DTNBP1: variants seen among roughly 807,000 people sequenced by gnomAD.
The protein encoded by DTNBP1 is dysbindin.
A neutral mutation model predicts 42.8 loss-of-function variants in DTNBP1; 35 were observed. The ratio of observed to expected loss-of-function variants is 0.82; its 90% confidence interval spans 0.63 to 1.09. DTNBP1 has a LOEUF of 1.09. Ranked by LOEUF, DTNBP1 falls within the 50% of genes least tolerant of loss-of-function variation. The pLI, the probability that DTNBP1 is intolerant of heterozygous loss-of-function variation, is 0.00. For synonymous variants in DTNBP1, 171 were observed against 162.2 expected, an observed-to-expected ratio of 1.05 and a Z score of -0.41; for missense variants, 457 against 424.2, an observed-to-expected ratio of 1.08 and a Z score of -0.68.
Position 15,553,594 on chromosome 6 carries a change from C to CTTTTT in DTNBP1, c.512-20204_512-20200dup, listed in dbSNP as rs56173414. ...CAGTTCAATGCTCTTGACAAGTGAGCTTTTTTTTTTTTGGCCTCAGACAGC... is the reference window on the plus strand; with the variant it reads ...CAGTTCAATGCTCTTGACAAGTGAGCTTTTTTTTTTTTTTTTTGGCCTCAGACAGC... On this transcript the variant is annotated intron_variant, in intron 7 of 9. Coordinates refer to ENST00000344537, the MANE Select transcript of DTNBP1 (RefSeq NM_032122.5). Among the ~76,000 whole-genome samples, 11 of 72,952 alleles carry CTTTTT rather than the reference C, an allele frequency of 1.5e-4. 1 individual carries two copies. Among genetic ancestry groups the CTTTTT allele is most frequent in the East Asian group, 1.3e-3 (2 of 1,514 alleles). The allele number at this position is 72,952 out of a possible 152,430, so 47.9% of individuals were successfully genotyped here. A position where few individuals can be genotyped will look rare whatever the true frequency, so the allele number is the denominator to read the frequency against.
chr6:15,572,283 G>A (rs1775372091), intron 7 of DTNBP1, among the ~76,000 whole-genome samples: 1 of 152,190 alleles, frequency 6.6e-6, no homozygotes, highest in Admixed American at 6.5e-5. Context: ...ATAAAGGTGA[G>A]TCAAACCCAC....
intron 3 of DTNBP1, among the ~76,000 whole-genome samples, chr6:15,640,620 C>T (rs1207594808): frequency 6.6e-6 from 1 of 152,158 alleles, no homozygotes; most frequent in African/African-American, 2.4e-5. Flanking sequence ...AGGAAAGTAA[C>T]TGTAGACTGT....
At chr6:15,625,113 C>T (rs1293571699) in intron 5 of DTNBP1, among the ~76,000 whole-genome samples, 1 of 152,118 alleles carries the variant, frequency 6.6e-6, no homozygotes, top group Non-Finnish European at 1.5e-5. Flanking sequence ...TCTAAAATTC[C>T]AAGTTTTGAT....
chr6:15,592,137 AT>A (rs1176836865), intron 7 of DTNBP1, among the ~76,000 whole-genome samples: 3 of 152,188 alleles, frequency 2.0e-5, no homozygotes, highest in Non-Finnish European at 2.9e-5. Flanking sequence ...AGAATTTGTC[AT>A]TTTTTCTAAA....
At chr6:15,603,866 C>CTTGGATATTT (rs1776826010) in intron 6 of DTNBP1, among the ~76,000 whole-genome samples, 1 of 152,166 alleles carries the variant, frequency 6.6e-6, no homozygotes, top group African/African-American at 2.4e-5. Flanking sequence ...AGCTCACCCT[C>CTTGGATATTT]TTGGATATTT....
chr6:15,660,665 T>A, intron 1 of DTNBP1: 1 of 709,072 alleles, frequency 1.4e-6, no homozygotes, highest in Non-Finnish European at 2.1e-6. Flanking sequence ...TGTCTCTCCT[T>A]AACTAACTCT....
At chr6:15,607,704 A>G (rs1758157489) in intron 6 of DTNBP1, among the ~76,000 whole-genome samples, 1 of 152,230 alleles carries the variant, frequency 6.6e-6, no homozygotes. Context: ...TTATCTGATC[A>G]CATACTGTTT....
At chr6:15,633,203 C>T in intron 4 of DTNBP1, among the ~76,000 whole-genome samples, 1 of 152,176 alleles carries the variant, frequency 6.6e-6, no homozygotes, top group East Asian at 1.9e-4. Flanking sequence ...CCCACTAATG[C>T]AACATCCATT....
intron 8 of DTNBP1, among the ~76,000 whole-genome samples, chr6:15,532,379 C>G (rs1772905370): frequency 1.3e-5 from 2 of 152,184 alleles, no homozygotes; most frequent in Admixed American, 1.3e-4. Context: ...TTTAAATGTT[C>G]AGCTAGGAAA....
intron 4 of DTNBP1, among the ~76,000 whole-genome samples, chr6:15,634,701 A>G (rs1187392546): frequency 6.6e-6 from 1 of 152,102 alleles, no homozygotes; most frequent in African/African-American, 2.4e-5. Context: ...ATCAATATCA[A>G]TACATTTCCC....
At chr6:15,556,973 G>A (rs1774559469) in intron 7 of DTNBP1, among the ~76,000 whole-genome samples, 1 of 152,116 alleles carries the variant, frequency 6.6e-6, no homozygotes, top group South Asian at 2.1e-4. Flanking sequence ...CTGCTTTGGA[G>A]CCATTAGATT....
rs1184227291 is a variant in DTNBP1, at chr6:15,613,357, A to ATT, written c.488+1908_488+1909dup. Among the ~76,000 whole-genome samples, 3 of 24,302 alleles carry ATT rather than the reference A, an allele frequency of 1.2e-4. 1 individual carries two copies. Among genetic ancestry groups the ATT allele is most frequent in the Admixed American group, 1.2e-3 (2 of 1,686 alleles). The allele number at this position is 24,302 out of a possible 152,430, so 15.9% of individuals were successfully genotyped here. On this transcript the variant is annotated intron_variant, in intron 6 of 9. Coordinates refer to ENST00000344537, the MANE Select transcript of DTNBP1 (RefSeq NM_032122.5). ...ATGCCCCTTTTTTGACACGGACCCC[A>ATT]TTTTTTTTTTTTTTTTTTTTTTTTT...
intron 5 of DTNBP1, among the ~76,000 whole-genome samples, chr6:15,625,853 T>C (rs1242534655): frequency 6.6e-6 from 1 of 152,200 alleles, no homozygotes; most frequent in African/African-American, 2.4e-5. Context: ...AAGAAGAATG[T>C]TCCGAACATC....
At chr6:15,631,446 T>C (rs1349359781) in intron 4 of DTNBP1, among the ~76,000 whole-genome samples, 2 of 151,848 alleles carry the variant, frequency 1.3e-5, no homozygotes, top group Non-Finnish European at 2.9e-5. Flanking sequence ...TTGTTAAAGC[T>C]CCTCTATAGG....
At chr6:15,629,856 G>A (rs1248232177) in intron 4 of DTNBP1, among the ~76,000 whole-genome samples, 4 of 151,830 alleles carry the variant, frequency 2.6e-5, no homozygotes, top group Admixed American at 2.6e-4. Context: ...AACCTACTAG[G>A]GATTGTGCTA....
intron 7 of DTNBP1, among the ~76,000 whole-genome samples, chr6:15,565,084 C>G (rs1581330113): frequency 6.6e-6 from 1 of 152,264 alleles, no homozygotes; most frequent in Non-Finnish European, 1.5e-5. Flanking sequence ...GTAGCCGTGA[C>G]AGAGCAAGAC....
At chr6:15,571,779 C>A (rs1429755856) in intron 7 of DTNBP1, among the ~76,000 whole-genome samples, 1 of 152,186 alleles carries the variant, frequency 6.6e-6, no homozygotes, top group African/African-American at 2.4e-5. Context: ...ATCTTTACAT[C>A]CTGCACTTAG....
At chr6:15,536,639 C>T (rs1338289609) in intron 7 of DTNBP1, among the ~76,000 whole-genome samples, 1 of 152,250 alleles carries the variant, frequency 6.6e-6, no homozygotes, top group Non-Finnish European at 1.5e-5. Context: ...GGACACAGCC[C>T]TCATGGAGAT....
At chr6:15,580,013 T>C (rs1023399948) in intron 7 of DTNBP1, among the ~76,000 whole-genome samples, 2 of 152,182 alleles carry the variant, frequency 1.3e-5, no homozygotes, top group African/African-American at 4.8e-5. Flanking sequence ...TAAAAAATAT[T>C]ACACTTCTGT....
Sources: gnomAD v4.1 joint callset for allele counts (sites outside exome capture counted in the v4.1 genomes callset) on GRCh38, gnomAD v4.1.1 for gene constraint, MANE v1.5 for transcripts, NCBI Gene and HGNC (gene_info 2026-07-23, HGNC 2026-07-21) for gene names.